PKD2L2: variants seen among roughly 807,000 people sequenced by gnomAD.
The protein encoded by PKD2L2 is polycystin-2-like protein 2.
PKD2L2 carries 67 observed loss-of-function variants against 83.9 expected under a neutral mutation model. The ratio of observed to expected loss-of-function variants is 0.80; its 90% CI spans 0.66 to 0.98. The LOEUF is 0.98. PKD2L2 is among the 50% of genes least tolerant of loss of function. The pLI is 0.00. For missense variants in PKD2L2, 632 were observed against 717.2 expected (o/e 0.88, Z 1.36); for synonymous variants, 223 against 237.8 (o/e 0.94, Z 0.57).
chr5:137,890,125 A>T lies in PKD2L2; in HGVS notation c.32-356A>T, dbSNP rs912931454. On this transcript the variant is annotated intron_variant, in intron 1 of 14. Transcript: ENST00000508883. ...TGGTGAAACCCCATCTCTACTAAAA[A>T]TACGAAAATTAGCTGGGTGTGGTGG... The T allele has an allele frequency of 2.9e-5, 5 of 171,360 alleles. No homozygotes were observed. In the South Asian group the frequency reaches 6.0e-4, roughly 20 times the overall value. 10.6% of individuals were successfully genotyped at this position (171,360 alleles called of 1,614,324 possible).
Position 137,925,071 on chromosome 5 carries a change from T to C in PKD2L2, c.1583T>C (p.Leu528Pro). ...AAAAATGTTCTCGAGAAATTCAGACTGAAGAAAGCTCAAAAAGATGAAGAC... is the reference window on the plus strand; with the variant it reads ...AAAAATGTTCTCGAGAAATTCAGACCGAAGAAAGCTCAAAAAGATGAAGAC... The part of the protein sequence containing the change: ...SYKNVLEKFR[L>P]KKAQKDEDKK... Residue 528 changes from leucine to proline, a missense_variant, in exon 11 of 15, where the codon CTG becomes CCG. This residue lies in a region of PKD2L2 where 399 missense variants were observed against 416.9 expected (regional missense o/e 0.96). Coordinates refer to ENST00000508883, the MANE Select transcript of PKD2L2 (RefSeq NM_001300921.2). 1 of 1,605,542 alleles carries C rather than the reference T, an allele frequency of 6.2e-7. No homozygotes were observed. Among genetic ancestry groups the C allele is most frequent in the Non-Finnish European group, 8.5e-7 (1 of 1,172,506 alleles).
At chr5:137,908,590 C>CAA (rs796434188) in intron 7 of PKD2L2, among the ~76,000 whole-genome samples, 175 bp from the exon 8 acceptor site, 2 of 134,322 alleles carry the variant, frequency 1.5e-5, no homozygotes. Flanking sequence ...GACTCCATCT[C>CAA]AAAAAAAAAA....
chr5:137,921,289 A>C (rs895849333), intron 8 of PKD2L2, among the ~76,000 whole-genome samples: 2 of 151,972 alleles, frequency 1.3e-5, no homozygotes, highest in Non-Finnish European at 2.9e-5. Context: ...TGAACCTGGA[A>C]GACAGAGGTT....
chr5:137,889,892 T>C (rs1052509789), intron 1 of PKD2L2: 2 of 270,254 alleles, frequency 7.4e-6, no homozygotes, highest in African/African-American at 4.4e-5. Flanking sequence ...CAAGAAGCTG[T>C]ATTGAGGGTG....
chr5:137,894,330 G>T, intron 3 of PKD2L2, 23 bp from the exon 4 acceptor site: 2 of 1,562,916 alleles, frequency 1.3e-6, no homozygotes, highest in South Asian at 2.3e-5. Context: ...TTTTTCCCAT[G>T]ACATTTGTTT....
intron 2 of PKD2L2, among the ~76,000 whole-genome samples, chr5:137,891,725 C>T (rs960654091): frequency 2.0e-5 from 3 of 150,808 alleles, no homozygotes; most frequent in African/African-American, 7.3e-5. Context: ...GAGACAGTCT[C>T]GCTCTGTCAC....
chr5:137,904,338 G>A (rs1043445455), intron 5 of PKD2L2, among the ~76,000 whole-genome samples: 6 of 152,070 alleles, frequency 3.9e-5, no homozygotes, highest in African/African-American at 9.7e-5. Flanking sequence ...GGGGATGGGC[G>A]AAAGACTGAA....
At chr5:137,932,088 T>G (rs1759924332) in intron 12 of PKD2L2, among the ~76,000 whole-genome samples, 1 of 152,122 alleles carries the variant, frequency 6.6e-6, no homozygotes, top group Non-Finnish European at 1.5e-5. Context: ...CCGGGCATGG[T>G]GGTTCATACC....
chr5:137,925,628 T>G (rs1446854408), intron 11 of PKD2L2, among the ~76,000 whole-genome samples: 1 of 152,250 alleles, frequency 6.6e-6, no homozygotes, highest in Non-Finnish European at 1.5e-5. Flanking sequence ...CTTGTATTTA[T>G]TAAATGACTT....
chr5:137,910,557 G>T (rs1266232830), intron 8 of PKD2L2, among the ~76,000 whole-genome samples: 1 of 151,960 alleles, frequency 6.6e-6, no homozygotes, highest in Admixed American at 6.6e-5. Context: ...TGGATCACCT[G>T]AGGTCAGGAG....
chr5:137,935,810 CAG>C lies in PKD2L2; in HGVS notation c.1688_1689del (p.Glu563AlafsTer10). On this transcript the variant is annotated frameshift_variant, in exon 13 of 15. Coordinates refer to ENST00000508883, the MANE Select transcript of PKD2L2 (RefSeq NM_001300921.2). LOFTEE classifies it high-confidence loss of function. ...CTACCCTGACAGGAGATTCAAAACG[CAG>C]AGCAGATGAAAAAATGGAAAGAGAG... 6.3e-7 allele frequency: 1 copy of C among 1,599,036 alleles called. No homozygotes were observed. The highest frequency in any genetic ancestry group is 1.7e-4 in the Middle Eastern group (1 of 6,032).
intron 5 of PKD2L2, 80 bp downstream of exon 5, chr5:137,899,817 A>C: frequency 1.4e-6 from 1 of 710,186 alleles, no homozygotes; most frequent in South Asian, 1.8e-5. Context: ...TGACCCTTGA[A>C]CCACATGAGT....
chr5:137,909,001 T>C, intron 8 of PKD2L2, 55 bp downstream of exon 8: 1 of 1,052,986 alleles, frequency 9.5e-7, no homozygotes, highest in African/African-American at 1.6e-5. Context: ...ACAAAAAAAA[T>C]TGGAAAGGTC....
intron 8 of PKD2L2, among the ~76,000 whole-genome samples, 164 bp from the exon 9 acceptor site, chr5:137,921,472 A>G (rs918216267): frequency 6.6e-6 from 1 of 152,102 alleles, no homozygotes; most frequent in Non-Finnish European, 1.5e-5. Context: ...CCTTTAGGGG[A>G]ATTTTCTACA....
At chr5:137,900,932 G>A (rs185204162) in intron 5 of PKD2L2, among the ~76,000 whole-genome samples, 140 of 152,266 alleles carry the variant, frequency 9.2e-4, no homozygotes, top group Admixed American at 2.7e-3. Flanking sequence ...GAGGTCAGGA[G>A]TTTGAGATCA....
At chr5:137,909,401 C>T (rs910057337) in intron 8 of PKD2L2, among the ~76,000 whole-genome samples, 3 of 151,854 alleles carry the variant, frequency 2.0e-5, no homozygotes, top group Non-Finnish European at 4.4e-5. Context: ...AAATGGGTGA[C>T]GGTGTCCATT....
chr5:137,909,049 T>C (rs1440262974), intron 8 of PKD2L2, 103 bp downstream of exon 8: 5 of 638,832 alleles, frequency 7.8e-6, no homozygotes, highest in Non-Finnish European at 1.3e-5. Flanking sequence ...AGCTTTAATA[T>C]ATTTAAACTT....
In PKD2L2 at chr5:137,906,323, A is replaced by G. The variant is rs2150019140; in HGVS notation, c.864A>G (p.Thr288=). ...ATTTTATTGCTTCCTGTGAAATCAC[A>G]TTCTGTATTTTTCTTTTTGTCTTCA... ...YDYFIASCEI[T]FCIFLFVFTT... is the part of the protein sequence containing the mutation. The change falls in exon 6 of 15, where the codon ACA becomes ACG. Residue 288 remains threonine, a synonymous_variant. Coordinates refer to ENST00000508883, the MANE Select transcript of PKD2L2 (RefSeq NM_001300921.2). The G allele has an allele frequency of 6.2e-7, 1 of 1,606,522 alleles. No individual in the cohort carries two copies. Among genetic ancestry groups the G allele is most frequent in the African/African-American group, 1.3e-5 (1 of 74,916 alleles).
chr5:137,914,419 C>T (rs1758138663), intron 8 of PKD2L2, among the ~76,000 whole-genome samples: 2 of 152,006 alleles, frequency 1.3e-5, no homozygotes, highest in South Asian at 4.1e-4. Context: ...AATCCCAAAT[C>T]AAAACACTTC....
Sources: allele counts gnomAD v4.1 joint callset (sites outside exome capture counted in the v4.1 genomes callset), GRCh38; gene constraint gnomAD v4.1.1; regional missense constraint gnomAD v4.1.1; transcripts MANE v1.5; gene names NCBI Gene and HGNC (gene_info 2026-07-23, HGNC 2026-07-21).